ZBTB20: variants seen among roughly 807,000 people sequenced by gnomAD.
ZBTB20 encodes zinc finger and BTB domain containing 20, also known as zinc finger and BTB domain-containing protein 20.
A neutral mutation model predicts 56.9 loss-of-function variants in ZBTB20; 9 were observed. That is an observed-to-expected ratio of 0.16 (90% confidence interval 0.10 to 0.28). The LOEUF is 0.28. Ranked by LOEUF, ZBTB20 falls within the 10% of genes least tolerant of loss-of-function variation. ZBTB20 has a pLI of 1.00. For synonymous variants in ZBTB20, 417 were observed against 420.7 expected, an observed-to-expected ratio of 0.99 and a Z score of 0.11; for missense variants, 655 against 1,003.0, an observed-to-expected ratio of 0.65 and a Z score of 4.69.
chr3:115,146,887 C>T (rs1184839086), intron 1 of ZBTB20, among the ~76,000 whole-genome samples: 1 of 151,750 alleles, frequency 6.6e-6, no homozygotes, highest in Non-Finnish European at 1.5e-5. Context: ...ACGTCCCGCC[C>T]GCCCCGCCAC....
At chr3:114,484,620 G>A (rs948516387) in intron 7 of ZBTB20, among the ~76,000 whole-genome samples, 1 of 152,226 alleles carries the variant, frequency 6.6e-6, no homozygotes, top group African/African-American at 2.4e-5. Flanking sequence ...TCATGTGCAG[G>A]TAGATGTCCC....
At chr3:114,397,641 AG>A (rs2086449350) in intron 7 of ZBTB20, among the ~76,000 whole-genome samples, 1 of 152,048 alleles carries the variant, frequency 6.6e-6, no homozygotes, top group Non-Finnish European at 1.5e-5. Context: ...TGTATCTTAA[AG>A]TGTGTTTCAT....
intron 7 of ZBTB20, among the ~76,000 whole-genome samples, chr3:114,492,610 A>C (rs1327893250): frequency 6.6e-6 from 1 of 152,206 alleles, no homozygotes. Flanking sequence ...GTCTACTGGA[A>C]TAGCTCCCTC....
intron 5 of ZBTB20, among the ~76,000 whole-genome samples, chr3:114,748,279 C>CTTCTTTCTTTCTTTCT (rs147900859): frequency 3.6e-4 from 38 of 104,534 alleles, no homozygotes; most frequent in African/African-American, 6.5e-4. Context: ...TTTGTTGTAG[C>CTTCTTTCTTTCTTTCT]TTCTTTCTTT....
At chr3:114,380,995 AT>A (rs1200864538) in intron 8 of ZBTB20, 55 bp from the exon 9 acceptor site, 2 of 365,452 alleles carry the variant, frequency 5.5e-6, no homozygotes, top group African/African-American at 4.2e-5. Context: ...CCAACTTTAA[AT>A]TTCTACTCAT....
intron 4 of ZBTB20, among the ~76,000 whole-genome samples, chr3:114,865,198 T>C (rs955390158): frequency 2.0e-5 from 3 of 152,182 alleles, no homozygotes; most frequent in African/African-American, 7.2e-5. Context: ...TCAACACTTC[T>C]AGGGCTTCTA....
chr3:114,988,236 C>T (rs1418310267), intron 2 of ZBTB20, among the ~76,000 whole-genome samples: 3 of 144,908 alleles, frequency 2.1e-5, no homozygotes, highest in East Asian at 2.1e-4. Flanking sequence ...CCTAATGCTA[C>T]CCCTCCCTCC....
intron 6 of ZBTB20, among the ~76,000 whole-genome samples, chr3:114,677,368 G>A (rs563390124): frequency 3.5e-4 from 53 of 152,276 alleles, no homozygotes; most frequent in Admixed American, 3.0e-3. Context: ...TTAGCTGTAC[G>A]GGAGGAGATG....
intron 1 of ZBTB20, among the ~76,000 whole-genome samples, chr3:115,097,708 T>C (rs1202513345): frequency 2.0e-5 from 3 of 152,178 alleles, no homozygotes; most frequent in African/African-American, 7.2e-5. Context: ...GCAGATATCA[T>C]GTGCTGATAG....
At chr3:114,470,798 T>C (rs1295104685) in intron 7 of ZBTB20, among the ~76,000 whole-genome samples, 1 of 152,178 alleles carries the variant, frequency 6.6e-6, no homozygotes, top group Non-Finnish European at 1.5e-5. Context: ...CTTTGTGTAA[T>C]TGACCATCCT....
chr3:114,488,949 G>C (rs1291036586), intron 7 of ZBTB20, among the ~76,000 whole-genome samples: 3 of 152,008 alleles, frequency 2.0e-5, no homozygotes, highest in Admixed American at 2.0e-4. Context: ...GAAAAGAATA[G>C]AATACAAAAC....
In ZBTB20 at chr3:114,350,679, C is replaced by T. The variant is rs1257059802; in HGVS notation, c.1399G>A (p.Gly467Arg). The change falls in exon 11 of 12, where the codon GGG (glycine) becomes AGG (arginine). Residue 467 changes from glycine (G) to arginine (R), a missense_variant. Transcript: ENST00000675478. ...AGCTGGGTACTTGGCAATGGCTGCC[C>T]GATGGACGTGTTGACCGAAGGCTGT... ...LQQPSVNTSI[G>R]QPLPSTQLYL... 1.9e-6 allele frequency: 3 copies of T among 1,614,082 alleles called. No individual in the cohort carries two copies. Among genetic ancestry groups the T allele is most frequent in the African/African-American group, 1.3e-5 (1 of 74,924 alleles).
At chr3:114,699,222 AT>A (rs2063242587) in intron 5 of ZBTB20, among the ~76,000 whole-genome samples, 1 of 152,142 alleles carries the variant, frequency 6.6e-6, no homozygotes, top group South Asian at 2.1e-4. Context: ...AGAAAAGTCT[AT>A]TTTAATTTCC....
chr3:114,730,423 G>A (rs2108537409), intron 5 of ZBTB20, among the ~76,000 whole-genome samples: 1 of 152,278 alleles, frequency 6.6e-6, no homozygotes, highest in East Asian at 1.9e-4. Flanking sequence ...ATTAGGCAAT[G>A]TTATGGGCTG....
At chr3:114,634,151 ATG>A (rs1449532278) in intron 6 of ZBTB20, among the ~76,000 whole-genome samples, 3 of 152,164 alleles carry the variant, frequency 2.0e-5, no homozygotes, top group Admixed American at 6.6e-5. Flanking sequence ...CATTTTGCAG[ATG>A]ATACAACTGA....
At chr3:114,514,138 C>T (rs557094662) in intron 6 of ZBTB20, among the ~76,000 whole-genome samples, 1 of 151,974 alleles carries the variant, frequency 6.6e-6, no homozygotes, top group Non-Finnish European at 1.5e-5. Flanking sequence ...AGAGCTATAA[C>T]AGAATCAGGA....
intron 5 of ZBTB20, among the ~76,000 whole-genome samples, chr3:114,796,485 T>G (rs1445244224): frequency 1.3e-5 from 2 of 151,946 alleles, no homozygotes; most frequent in African/African-American, 4.8e-5. Flanking sequence ...ATAATCTTAG[T>G]ACTCCTATAT....
chr3:114,973,401 T>C (rs922382335), intron 3 of ZBTB20, among the ~76,000 whole-genome samples: 1 of 152,276 alleles, frequency 6.6e-6, no homozygotes, highest in South Asian at 2.1e-4. Context: ...TCTGGAAGTA[T>C]GAGAATGAAG....
intron 2 of ZBTB20, among the ~76,000 whole-genome samples, chr3:115,067,955 G>T (rs2082268340): frequency 6.6e-6 from 1 of 152,000 alleles, no homozygotes; most frequent in South Asian, 2.1e-4. Flanking sequence ...AAATATCAAG[G>T]AGCTGGGCCA....
Sources: allele counts gnomAD v4.1 joint callset (sites outside exome capture counted in the v4.1 genomes callset), GRCh38; gene constraint gnomAD v4.1.1; transcripts MANE v1.5; gene names NCBI Gene and HGNC (gene_info 2026-07-23, HGNC 2026-07-21).